Variants in SLC5A9 observed in about 807,000 individuals in gnomAD.
SLC5A9 encodes the protein sodium/glucose cotransporter 4.
A neutral mutation model predicts 70.9 loss-of-function variants in SLC5A9; 59 were observed. The observed-to-expected ratio is 0.83, with a 90% CI of 0.68 to 1.03. The LOEUF (loss-of-function observed/expected upper bound fraction) is 1.03, where lower values mean the gene tolerates loss of function less well. SLC5A9 is among the 50% of genes least tolerant of loss of function. The pLI, the probability that SLC5A9 is intolerant of heterozygous loss-of-function variation, is 0.00. For synonymous variants in SLC5A9, 340 were observed against 346.5 expected (o/e 0.98, Z 0.21); for missense variants, 832 against 881.1 (o/e 0.94, Z 0.71).
At position 48,235,732 on chromosome 1, in the gene SLC5A9, TG is replaced by T. The variant is rs1209442604; in HGVS notation, c.1146del (p.Arg383GlyfsTer3). ...KLVMALMPVG[L>X]RGLMIAVIMA... is the part of the protein sequence containing the mutation. ...CATGAGCCTCGTCTCTCCCCAGGTC[TG>T]CGGGGGCTGATGATTGCCGTGATCA... On this transcript the variant is annotated frameshift_variant, in exon 10 of 14. Transcript: ENST00000438567. LOFTEE classifies it high-confidence loss of function. 6.2e-7 allele frequency: 1 copy of T among 1,614,202 alleles called. No homozygotes were observed.
intron 4 of SLC5A9, among the ~76,000 whole-genome samples, chr1:48,229,717 A>G (rs1311486453): frequency 6.6e-6 from 1 of 152,184 alleles, no homozygotes; most frequent in Admixed American, 6.5e-5. Flanking sequence ...TTATTTTTTC[A>G]TTAATGGATT....
chr1:48,246,918 A>G (rs1192675721), intron 13 of SLC5A9, among the ~76,000 whole-genome samples: 3 of 152,172 alleles, frequency 2.0e-5, no homozygotes, highest in Non-Finnish European at 4.4e-5. Context: ...GCCCTTTCCA[A>G]TTGTGGTTGT....
chr1:48,246,649 G>A (rs1036805337), intron 13 of SLC5A9, among the ~76,000 whole-genome samples: 7 of 152,056 alleles, frequency 4.6e-5, no homozygotes, highest in Non-Finnish European at 1.0e-4. Context: ...GCATGGGTTC[G>A]GTCTCGTGCA....
In SLC5A9 at chr1:48,230,621, C is replaced by G; in HGVS notation, c.526C>G (p.Leu176Val). 6.2e-7 allele frequency: 1 copy of G among 1,614,010 alleles called. No homozygotes were observed. Among genetic ancestry groups the G allele is most frequent in the Non-Finnish European group, 8.5e-7 (1 of 1,179,942 alleles). ...GCAGACTGACATCTTCTCTGGAGCC[C>G]TCTTCATCCAGATGGCATTGGGCTG... is the stretch of plus-strand genomic sequence containing the variant. ...KISTDIFSGA[L>V]FIQMALGWNL... Residue 176 changes from leucine to valine, a missense_variant, in exon 5 of 14, where the codon CTC (leucine) becomes GTC (valine). Coordinates refer to ENST00000438567, the MANE Select transcript of SLC5A9 (RefSeq NM_001011547.3).
At chr1:48,245,771 G>T (rs1644454024) in intron 13 of SLC5A9, among the ~76,000 whole-genome samples, 1 of 152,082 alleles carries the variant, frequency 6.6e-6, no homozygotes, top group Non-Finnish European at 1.5e-5. Context: ...GACCAGCCTG[G>T]GCAACATGGC....
At chr1:48,237,577 T>A in intron 10 of SLC5A9, 102 bp from the exon 11 acceptor site, 2 of 1,133,956 alleles carry the variant, frequency 1.8e-6, no homozygotes, top group South Asian at 2.9e-5. Flanking sequence ...TGATTGTACA[T>A]TCCCCTTCTT....
At chr1:48,233,888 C>T in intron 9 of SLC5A9, 126 bp downstream of exon 9, 1 of 701,182 alleles carries the variant, frequency 1.4e-6, no homozygotes, top group South Asian at 1.6e-5. Flanking sequence ...TCTGCACCCC[C>T]ATCCCAACAC....
chr1:48,232,059 A>G lies in SLC5A9; in HGVS notation c.805A>G (p.Ile269Val). 1 of 1,614,040 alleles carries G rather than the reference A, an allele frequency of 6.2e-7. No homozygotes were observed. Among genetic ancestry groups the G allele is most frequent in the Non-Finnish European group, 8.5e-7 (1 of 1,179,968 alleles). ...CCTCCCACGGCCCGATGCTTTCCACATTCTTCGGGACCCTGTGAGCGGGGA... is the reference window on the plus strand; with the variant it reads ...CCTCCCACGGCCCGATGCTTTCCACGTTCTTCGGGACCCTGTGAGCGGGGA... ...CHLPRPDAFHILRDPVSGDIP... is the reference protein window; with the variant it reads ...CHLPRPDAFHVLRDPVSGDIP... The change falls in exon 7 of 14, where the codon ATT (isoleucine) becomes GTT (valine). Residue 269 changes from isoleucine to valine, a missense_variant. Transcript: ENST00000438567.
intron 8 of SLC5A9, among the ~76,000 whole-genome samples, chr1:48,233,117 C>G (rs910686134): frequency 2.6e-5 from 4 of 151,814 alleles, no homozygotes; most frequent in Admixed American, 2.6e-4. Context: ...AATCCCAGAA[C>G]TTTGGGAGGC....
At chr1:48,246,479 G>A (rs1644461116) in intron 13 of SLC5A9, among the ~76,000 whole-genome samples, 1 of 151,998 alleles carries the variant, frequency 6.6e-6, no homozygotes, top group South Asian at 2.1e-4. Flanking sequence ...TCAGTGAAAG[G>A]ATTTTTATAT....
intron 4 of SLC5A9, 161 bp downstream of exon 4, chr1:48,229,620 TG>T: frequency 8.8e-7 from 1 of 1,130,514 alleles, no homozygotes; most frequent in Admixed American, 2.8e-5. Context: ...GCCTCAGCAC[TG>T]GGGTACTCAG....
At chr1:48,229,542 G>C in intron 4 of SLC5A9, 83 bp downstream of exon 4, 1 of 1,561,154 alleles carries the variant, frequency 6.4e-7, no homozygotes, top group Non-Finnish European at 8.7e-7. Context: ...GCGTGTTGCT[G>C]AGGGGAAGCT....
Position 48,231,971 on chromosome 1 carries a change from A to G in SLC5A9, c.717A>G (p.Pro239=), listed in dbSNP as rs760978925. Residue 239 remains proline (P), a synonymous_variant, in exon 7 of 14, where the codon CCA becomes CCG. Coordinates refer to ENST00000438567, the MANE Select transcript of SLC5A9 (RefSeq NM_001011547.3). ...FLGFQDVGWY[P]GLEQRYRQAI... ...GCTTTCAGGACGTGGGCTGGTACCC[A>G]GGCCTGGAGCAGCGGTACAGGCAGG... 2 of 1,614,102 alleles carry G rather than the reference A, an allele frequency of 1.2e-6. No homozygotes were observed. The highest frequency in any genetic ancestry group is 1.7e-6 in the Non-Finnish European group (2 of 1,180,016).
intron 10 of SLC5A9, 152 bp downstream of exon 10, chr1:48,236,031 T>C: frequency 1.2e-6 from 1 of 814,918 alleles, no homozygotes; most frequent in Non-Finnish European, 1.9e-6. Flanking sequence ...TTCAAGTAAG[T>C]CCTTCGCCAA....
intron 4 of SLC5A9, 60 bp downstream of exon 4, chr1:48,229,519 T>A: frequency 1.3e-6 from 2 of 1,589,318 alleles, no homozygotes; most frequent in Non-Finnish European, 1.7e-6. Flanking sequence ...AACTGCTGAG[T>A]GCATCACCAT....
At position 48,236,003 on chromosome 1, in the gene SLC5A9, T is replaced by C. The variant is rs149516184; in HGVS notation, c.1292+124T>C. Reference sequence around the variant, plus strand: ...GGCAGCCAGAGCACCGGGTTCAAGCTCCAGCTCTCCACATGATTTCAAGTA... The same window carrying C: ...GGCAGCCAGAGCACCGGGTTCAAGCCCCAGCTCTCCACATGATTTCAAGTA... On this transcript the variant is annotated intron_variant, in intron 10 of 13. Transcript: ENST00000438567. The C allele has an allele frequency of 6.4e-3, 6,779 of 1,051,026 alleles. 164 individuals carry two copies. The highest frequency in any genetic ancestry group is 0.051 in the South Asian group (3,416 of 67,238). 65.1% of individuals were successfully genotyped at this position (1,051,026 alleles called of 1,614,324 possible).
Sources: allele counts gnomAD v4.1 joint callset (sites outside exome capture counted in the v4.1 genomes callset), GRCh38; gene constraint gnomAD v4.1.1; transcripts MANE v1.5; gene names NCBI Gene and HGNC (gene_info 2026-07-23, HGNC 2026-07-21).